The following DMXL1 variants were observed in gnomAD, a reference collection of about 807,000 sequenced individuals.
DMXL1 encodes the protein dmX-like protein 1.
DMXL1 carries 99 observed loss-of-function variants against 319.2 expected under a neutral mutation model. The observed-to-expected ratio is 0.31, with a 90% CI of 0.26 to 0.37. DMXL1 has a LOEUF of 0.37. Among genes scored for constraint, DMXL1 ranks in the 10% least tolerant of loss-of-function variants. The probability of loss-of-function intolerance (pLI) is 1.00; values close to 1 mark genes in which losing one functional copy is unlikely to be tolerated. For missense variants in DMXL1, 3,745 were observed against 3,595.6 expected (o/e 1.04, Z -1.06); for synonymous variants, 1,385 against 1,235.2 (o/e 1.12, Z -2.54).
At chr5:119,119,504 A>G (rs370755316) in intron 8 of DMXL1, among the ~76,000 whole-genome samples, 4 of 152,100 alleles carry the variant, frequency 2.6e-5, no homozygotes, top group African/African-American at 9.7e-5. Flanking sequence ...GCTGAGAAAC[A>G]ATAGTAGAAT....
intron 9 of DMXL1, among the ~76,000 whole-genome samples, chr5:119,123,610 T>A (rs1762804380): frequency 6.6e-6 from 1 of 152,154 alleles, no homozygotes; most frequent in Non-Finnish European, 1.5e-5. Context: ...AATTGATATT[T>A]GAACTGTTAC....
At chr5:119,129,909 T>G (rs1395479166) in intron 10 of DMXL1, among the ~76,000 whole-genome samples, 1 of 152,228 alleles carries the variant, frequency 6.6e-6, no homozygotes, top group Non-Finnish European at 1.5e-5. Flanking sequence ...ATTTGTCAGC[T>G]ACCTTGATTG....
chr5:119,155,847 A>G (rs1344966635), intron 19 of DMXL1, among the ~76,000 whole-genome samples: 3 of 148,956 alleles, frequency 2.0e-5, no homozygotes, highest in Non-Finnish European at 4.5e-5. Flanking sequence ...AAAAAAAACA[A>G]AACTTCAGCA....
chr5:119,239,847 C>T (rs908735386), intron 41 of DMXL1, among the ~76,000 whole-genome samples: 32 of 151,488 alleles, frequency 2.1e-4, no homozygotes, highest in African/African-American at 7.5e-4. Flanking sequence ...ATCCCAGCTA[C>T]TCTGGGGGCT....
chr5:119,150,756 T>C (rs929230873), intron 18 of DMXL1, among the ~76,000 whole-genome samples: 11 of 151,914 alleles, frequency 7.2e-5, no homozygotes, highest in African/African-American at 2.7e-4. Flanking sequence ...GCCACTGCAC[T>C]ACAGCCTGGA....
At chr5:119,119,395 C>T (rs1469001569) in intron 8 of DMXL1, among the ~76,000 whole-genome samples, 1 of 152,170 alleles carries the variant, frequency 6.6e-6, no homozygotes, top group Non-Finnish European at 1.5e-5. Flanking sequence ...ACCCCCAGAA[C>T]TTGGGGTCTT....
chr5:119,072,525 A>C (rs1319012963), intron 1 of DMXL1, among the ~76,000 whole-genome samples: 1 of 152,230 alleles, frequency 6.6e-6, no homozygotes, highest in Non-Finnish European at 1.5e-5. Context: ...TAAGTGCTGT[A>C]GGCTTTTTTC....
intron 4 of DMXL1, 122 bp from the exon 5 acceptor site, chr5:119,110,029 T>A (rs1759224259): frequency 2.4e-6 from 2 of 824,030 alleles, no homozygotes; most frequent in South Asian, 3.8e-5. Context: ...TCCTCCGTTC[T>A]TCAAAATTTT....
At chr5:119,101,144 C>T (rs1341993826) in intron 2 of DMXL1, among the ~76,000 whole-genome samples, 2 of 152,144 alleles carry the variant, frequency 1.3e-5, no homozygotes, top group South Asian at 2.1e-4. Context: ...TTTGAAATCC[C>T]ACCCATAATT....
At chr5:119,097,941 T>G (rs1310300789) in intron 1 of DMXL1, 38 bp from the exon 2 acceptor site, 2 of 1,527,428 alleles carry the variant, frequency 1.3e-6, no homozygotes, top group Non-Finnish European at 1.8e-6. Flanking sequence ...AAATGTTTCC[T>G]TGACACTTTT....
intron 35 of DMXL1, among the ~76,000 whole-genome samples, chr5:119,218,221 A>T (rs1484171628): frequency 6.6e-6 from 1 of 152,088 alleles, no homozygotes; most frequent in Non-Finnish European, 1.5e-5. Flanking sequence ...TACAAAAAAA[A>T]ATTATCTATA....
chr5:119,207,920 CAA>C (rs1322700528), intron 34 of DMXL1, among the ~76,000 whole-genome samples: 1 of 152,040 alleles, frequency 6.6e-6, no homozygotes, highest in African/African-American at 2.4e-5. Context: ...AAAAATTGCT[CAA>C]AAAAATTTTT....
chr5:119,211,335 T>C (rs1355365926), intron 34 of DMXL1, among the ~76,000 whole-genome samples: 1 of 152,190 alleles, frequency 6.6e-6, no homozygotes, highest in East Asian at 1.9e-4. Context: ...ATTAGTGTTA[T>C]TTCTGAAGTG....
intron 28 of DMXL1, among the ~76,000 whole-genome samples, chr5:119,185,268 TGTA>T (rs1777510274): frequency 6.6e-6 from 1 of 152,172 alleles, no homozygotes; most frequent in Non-Finnish European, 1.5e-5. Context: ...AAGTAGAAGT[TGTA>T]GTATTTTCCT....
At chr5:119,137,213 G>T (rs1161199542) in intron 13 of DMXL1, among the ~76,000 whole-genome samples, 1 of 152,224 alleles carries the variant, frequency 6.6e-6, no homozygotes, top group East Asian at 1.9e-4. Flanking sequence ...GCCTGGCCAG[G>T]TTTCAGACTT....
chr5:119,127,964 A>G (rs1045270806), intron 9 of DMXL1: 18 of 386,566 alleles, frequency 4.7e-5, no homozygotes, highest in Admixed American at 6.5e-5. Flanking sequence ...GTCCTGAAGG[A>G]GAAATGAAGT....
chr5:119,113,813 T>A, intron 5 of DMXL1, among the ~76,000 whole-genome samples: 1 of 152,208 alleles, frequency 6.6e-6, no homozygotes, highest in African/African-American at 2.4e-5. Flanking sequence ...TGAAATGAAA[T>A]GTGACAGAAT....
intron 1 of DMXL1, among the ~76,000 whole-genome samples, chr5:119,096,564 A>C (rs1440392615): frequency 6.6e-6 from 1 of 152,202 alleles, no homozygotes; most frequent in Non-Finnish European, 1.5e-5. Context: ...AGGTTGGAAA[A>C]CAGTTTGTGT....
intron 9 of DMXL1, among the ~76,000 whole-genome samples, chr5:119,121,706 C>T (rs2149952857): frequency 6.6e-6 from 1 of 152,372 alleles, no homozygotes; most frequent in East Asian, 1.9e-4. Flanking sequence ...CGGCAACCAT[C>T]CGATTTCTCA....
Sources: gnomAD v4.1 joint callset for allele counts (sites outside exome capture counted in the v4.1 genomes callset) on GRCh38, gnomAD v4.1.1 for gene constraint, MANE v1.5 for transcripts, NCBI Gene and HGNC (gene_info 2026-07-23, HGNC 2026-07-21) for gene names.